TENM4: variants seen among roughly 807,000 people sequenced by gnomAD.
TENM4 encodes the protein teneurin transmembrane protein 4.
In TENM4, 82 loss-of-function variants were observed where a neutral mutation model predicts 243.3. The ratio of observed to expected loss-of-function variants is 0.34; its 90% confidence interval spans 0.28 to 0.40. The LOEUF (loss-of-function observed/expected upper bound fraction) is 0.40, where lower values mean the gene tolerates loss of function less well. Among genes scored for constraint, TENM4 ranks in the 10% least tolerant of loss-of-function variants. The pLI is 1.00. For missense variants in TENM4, 3,138 were observed against 3,673.3 expected, an observed-to-expected ratio of 0.85 and a Z score of 3.77; for synonymous variants, 1,412 against 1,456.3, an observed-to-expected ratio of 0.97 and a Z score of 0.69.
intron 6 of TENM4, among the ~76,000 whole-genome samples, chr11:78,983,936 G>T (rs183743417): frequency 6.6e-6 from 1 of 152,226 alleles, no homozygotes; most frequent in Non-Finnish European, 1.5e-5. Flanking sequence ...TAAAATGGAG[G>T]ACTCAGGGAA....
At chr11:78,962,404 T>C (rs1278241558) in intron 6 of TENM4, among the ~76,000 whole-genome samples, 7 of 145,182 alleles carry the variant, frequency 4.8e-5, no homozygotes, top group Non-Finnish European at 1.0e-4. Context: ...AAAATTGATT[T>C]TGAGGCACAC....
chr11:79,053,424 C>T (rs1409945564), intron 6 of TENM4, among the ~76,000 whole-genome samples: 2 of 152,220 alleles, frequency 1.3e-5, no homozygotes, highest in Non-Finnish European at 2.9e-5. Context: ...TAAAATTTCC[C>T]TGTGGTTCCT....
Position 79,128,799 on chromosome 11 carries a change from T to A in TENM4, c.-66+19911A>T, listed in dbSNP as rs538126713. 1.5e-3 allele frequency among the ~76,000 whole-genome samples: 236 copies of A among 152,272 alleles called. 1 individual carries two copies. Among genetic ancestry groups the A allele is most frequent in the Non-Finnish European group, 2.8e-3 (190 of 68,014 alleles). On this transcript the variant is annotated intron_variant, in intron 4 of 33. Transcript: ENST00000278550. ...TGACCAGATGTGTGATTATATATGA[T>A]TCATGGGGTGTAGCAAATGGTCTGG...
intron 1 of TENM4, among the ~76,000 whole-genome samples, chr11:79,421,291 T>C (rs1056881020): frequency 2.0e-5 from 3 of 152,180 alleles, no homozygotes; most frequent in African/African-American, 7.2e-5. Flanking sequence ...CTTTCATCCA[T>C]ATGTATGTGA....
At chr11:79,029,960 C>T (rs968771207) in intron 6 of TENM4, among the ~76,000 whole-genome samples, 1 of 152,286 alleles carries the variant, frequency 6.6e-6, no homozygotes, top group Non-Finnish European at 1.5e-5. Flanking sequence ...AGCTGCATTG[C>T]TCTAGCCCAG....
chr11:79,133,035 A>G (rs1170097412), intron 4 of TENM4, among the ~76,000 whole-genome samples: 1 of 152,178 alleles, frequency 6.6e-6, no homozygotes, highest in Non-Finnish European at 1.5e-5. Flanking sequence ...AAAGAAACAA[A>G]AAATACAAAA....
At chr11:79,237,508 C>T (rs1864499271) in intron 2 of TENM4, among the ~76,000 whole-genome samples, 1 of 152,146 alleles carries the variant, frequency 6.6e-6, no homozygotes. Flanking sequence ...AAAACCCTGT[C>T]TATACTAAAA....
chr11:79,388,363 A>T (rs1022838564), intron 1 of TENM4, among the ~76,000 whole-genome samples: 5 of 152,238 alleles, frequency 3.3e-5, no homozygotes, highest in African/African-American at 1.2e-4. Context: ...ACCAAAAACA[A>T]AACAAAACAA....
At chr11:79,023,231 G>C (rs1250493781) in intron 6 of TENM4, among the ~76,000 whole-genome samples, 2 of 152,008 alleles carry the variant, frequency 1.3e-5, no homozygotes, top group African/African-American at 4.8e-5. Flanking sequence ...CCTCACATTA[G>C]GGATAAATGA....
At chr11:78,766,893 G>T (rs1313636728) in intron 18 of TENM4, among the ~76,000 whole-genome samples, 1 of 151,956 alleles carries the variant, frequency 6.6e-6, no homozygotes, top group Non-Finnish European at 1.5e-5. Flanking sequence ...TAGTACAGAT[G>T]GGGTTTCGCC....
chr11:78,830,872 T>C (rs1022313729), intron 12 of TENM4, among the ~76,000 whole-genome samples: 2 of 152,196 alleles, frequency 1.3e-5, no homozygotes, highest in East Asian at 3.9e-4. Flanking sequence ...ACTTCTCTGA[T>C]TTTTAGTGCA....
chr11:79,182,900 C>A (rs1347297841), intron 3 of TENM4, among the ~76,000 whole-genome samples: 2 of 152,138 alleles, frequency 1.3e-5, no homozygotes, highest in Non-Finnish European at 2.9e-5. Flanking sequence ...ATCCAAAACG[C>A]TGACATCAAA....
intron 3 of TENM4, among the ~76,000 whole-genome samples, chr11:79,205,927 G>A (rs567498961): frequency 6.6e-6 from 1 of 152,370 alleles, no homozygotes; most frequent in East Asian, 1.9e-4. Context: ...GAAGAGGGTA[G>A]CTCAGAGTAC....
At chr11:79,050,597 C>T (rs1565182656) in intron 6 of TENM4, among the ~76,000 whole-genome samples, 3 of 152,198 alleles carry the variant, frequency 2.0e-5, no homozygotes, top group African/African-American at 7.2e-5. Context: ...AACAATTTCC[C>T]TTTGTTTATA....
intron 7 of TENM4, among the ~76,000 whole-genome samples, chr11:78,893,483 C>T (rs987029575): frequency 5.9e-5 from 9 of 152,206 alleles, no homozygotes; most frequent in African/African-American, 2.2e-4. Context: ...AACCATAGTC[C>T]TTACCAGGGC....
At chr11:79,078,653 G>A (rs1860589347) in intron 4 of TENM4, among the ~76,000 whole-genome samples, 1 of 152,202 alleles carries the variant, frequency 6.6e-6, no homozygotes. Flanking sequence ...AGCACCCAGA[G>A]CATATTTCTC....
intron 1 of TENM4, among the ~76,000 whole-genome samples, chr11:79,361,469 C>T (rs191999274): frequency 2.3e-4 from 35 of 152,322 alleles, no homozygotes; most frequent in Admixed American, 5.9e-4. Context: ...GGTTCTAATA[C>T]GTGTATCTTC....
intron 2 of TENM4, among the ~76,000 whole-genome samples, chr11:79,288,940 G>A (rs1856307471): frequency 6.6e-6 from 1 of 152,098 alleles, no homozygotes; most frequent in South Asian, 2.1e-4. Context: ...TAGGGTAAGG[G>A]GAAAATAAGT....
chr11:79,263,686 T>C (rs1179899359), intron 2 of TENM4, among the ~76,000 whole-genome samples: 5 of 152,172 alleles, frequency 3.3e-5, no homozygotes, highest in Admixed American at 2.0e-4. Context: ...CAATGGAAAG[T>C]AGTAAACATG....
Sources: allele counts gnomAD v4.1 joint callset (sites outside exome capture counted in the v4.1 genomes callset), GRCh38; gene constraint gnomAD v4.1.1; transcripts MANE v1.5; gene names NCBI Gene and HGNC (gene_info 2026-07-23, HGNC 2026-07-21).